Variants in ADA2 observed in about 807,000 individuals in gnomAD.
ADA2 encodes adenosine deaminase 2, also known as adenosine deaminase CECR1.
In ADA2, 29 loss-of-function variants were observed where a neutral mutation model predicts 44.2. That is an observed-to-expected ratio of 0.66 (90% CI 0.49 to 0.89). ADA2 has a LOEUF of 0.89. Ranked by LOEUF, ADA2 falls within the 40% of genes least tolerant of loss-of-function variation. ADA2 has a pLI of 0.00. For synonymous variants in ADA2, 215 were observed against 234.9 expected (o/e 0.92, Z 0.77); for missense variants, 637 against 644.8 (o/e 0.99, Z 0.13).
At chr22:17,199,675 G>C in intron 4 of ADA2, 4 of 1,601,824 alleles carry the variant, frequency 2.5e-6, no homozygotes, top group South Asian at 1.1e-5. Context: ...GCCCAGCGCG[G>C]TGAGGAAAGC....
intron 2 of ADA2, among the ~76,000 whole-genome samples, chr22:17,208,445 G>GAA (rs112738666): frequency 7.3e-6 from 1 of 136,594 alleles, no homozygotes; most frequent in Non-Finnish European, 1.5e-5. Flanking sequence ...GAAAAAAAAA[G>GAA]AAAAAAAAAA....
chr22:17,190,599 C>G (rs962623653), intron 5 of ADA2, among the ~76,000 whole-genome samples: 2 of 152,140 alleles, frequency 1.3e-5, no homozygotes, highest in African/African-American at 4.8e-5. Flanking sequence ...CGCAAGCCCA[C>G]GACAGGCTCA....
intron 4 of ADA2, among the ~76,000 whole-genome samples, chr22:17,193,597 G>C (rs905410804): frequency 4.0e-5 from 6 of 151,058 alleles, no homozygotes; most frequent in Non-Finnish European, 1.5e-5. Flanking sequence ...GAACCCAGGA[G>C]GCAGAGGTTG....
intron 4 of ADA2, among the ~76,000 whole-genome samples, chr22:17,193,583 G>A (rs946995995): frequency 2.7e-5 from 4 of 150,176 alleles, no homozygotes; most frequent in Admixed American, 6.7e-5. Flanking sequence ...CAGGATAATC[G>A]CTTGAACCCA....
intron 1 of ADA2, among the ~76,000 whole-genome samples, chr22:17,214,949 C>A (rs2062454851): frequency 6.6e-6 from 1 of 152,186 alleles, no homozygotes; most frequent in South Asian, 2.1e-4. Context: ...ACACATCACA[C>A]GGAGCCTGTC....
rs1295450648 is a variant in ADA2 at position 17,181,539 on chromosome 22, T to G, written c.1480A>C (p.Met494Leu). The change falls in exon 10 of 10, where the codon ATG (methionine) becomes CTG (leucine). Residue 494 changes from methionine to leucine, a missense_variant. Physicochemically the swap from Met to Leu is conservative, Grantham distance 15. Coordinates refer to ENST00000399837, the MANE Select transcript of ADA2 (RefSeq NM_001282225.2). The stretch of plus-strand genomic sequence containing the variant: ...TCCCATCTCTTCTTCCAGATTTCCA[T>G]GAAAGTATTTTTCTCACTCTCCAAC... ...TLLESEKNTF[M>L]EIWKKRWDKF... 1.2e-6 allele frequency: 2 copies of G among 1,613,518 alleles called. No homozygotes were observed. Among genetic ancestry groups the G allele is most frequent in the African/African-American group, 2.7e-5 (2 of 74,914 alleles).
At chr22:17,199,816 C>G in intron 4 of ADA2, 1 of 1,322,756 alleles carries the variant, frequency 7.6e-7, no homozygotes, top group Non-Finnish European at 9.9e-7. Flanking sequence ...GCATGGCTCG[C>G]GTCTGTAATC....
chr22:17,199,440 T>TTCCCCTCCCTCCCCTCCTCAATCCTCA, intron 4 of ADA2: 3 of 1,027,940 alleles, frequency 2.9e-6, no homozygotes, highest in African/African-American at 1.6e-5. Context: ...CTCTATCCTC[T>TTCCCCTCCCTCCCCTCCTCAATCCTCA]TCCCCTCCAC....
rs562613700 is a variant in ADA2 at position 17,199,575 on chromosome 22, C to T, written c.753+3988G>A. 2.5e-6 allele frequency: 4 copies of T among 1,614,096 alleles called. No individual in the cohort carries two copies. In the South Asian group the frequency reaches 3.3e-5, roughly 13 times the overall value. On this transcript the variant is annotated intron_variant, in intron 4 of 9. Coordinates refer to ENST00000399837, the MANE Select transcript of ADA2 (RefSeq NM_001282225.2). ...AGAGCCCAGTTCCATTCCAGGGAAT[C>T]CATCTCCCCTCCGGAAAAAGGAAAA... is the stretch of plus-strand genomic sequence containing the variant.
intron 2 of ADA2, among the ~76,000 whole-genome samples, chr22:17,208,070 G>A (rs1015577893): frequency 6.6e-6 from 1 of 152,022 alleles, no homozygotes; most frequent in Non-Finnish European, 1.5e-5. Flanking sequence ...AGCAACTGGG[G>A]ATGCTACTTT....
chr22:17,199,689 G>T, intron 4 of ADA2: 1 of 1,580,274 alleles, frequency 6.3e-7, no homozygotes, highest in Non-Finnish European at 8.6e-7. Context: ...GGAAAGCGAC[G>T]AACTTAGGAG....
rs2062365439 is a variant in ADA2, at chr22:17,207,290, C to T, written c.323G>A (p.Gly108Glu). The T allele has an allele frequency of 6.3e-7, 1 of 1,599,878 alleles. No homozygotes were observed. The highest frequency in any genetic ancestry group is 8.6e-7 in the Non-Finnish European group (1 of 1,168,752). Residue 108 changes from glycine to glutamate, a missense_variant and splice_region_variant, in exon 3 of 10, where the codon GGG becomes GAG. Physicochemically the swap from Gly to Glu is moderately conservative, Grantham distance 98 (BLOSUM62 -2). Coordinates refer to ENST00000399837, the MANE Select transcript of ADA2 (RefSeq NM_001282225.2). ...AATGTCATGGAGGTGCAAGGCAGCC[C>T]CTGGAGAGGGAAGAAGAATGGTGAA... ...VFNILRMMPKGAALHLHDIGI... is the reference protein window; with the variant it reads ...VFNILRMMPKEAALHLHDIGI...
chr22:17,219,833 C>T (rs1402018119), upstream of ADA2, among the ~76,000 whole-genome samples: 1 of 151,916 alleles, frequency 6.6e-6, no homozygotes, highest in South Asian at 2.1e-4. Flanking sequence ...CGCCACCATG[C>T]CCCACTGATT....
At chr22:17,199,426 C>CCTCCTCTATCCTCTTCCCCTCCCTCCT in intron 4 of ADA2, 1 of 981,406 alleles carries the variant, frequency 1.0e-6, no homozygotes, top group Non-Finnish European at 1.6e-6. Context: ...TCCTCCCTCC[C>CCTCCTCTATCCTCTTCCCCTCCCTCCT]CTCCTCTATC....
intron 1 of ADA2, among the ~76,000 whole-genome samples, chr22:17,217,674 G>A (rs1024704946): frequency 2.8e-4 from 43 of 152,218 alleles, no homozygotes; most frequent in African/African-American, 9.1e-4. Flanking sequence ...CAGGCGTGGT[G>A]TATTGAACCT....
upstream of ADA2, among the ~76,000 whole-genome samples, chr22:17,221,518 C>G (rs549948975): frequency 4.2e-4 from 64 of 151,652 alleles, 1 homozygote; most frequent in Non-Finnish European, 7.8e-4. Flanking sequence ...AGCTAAAGAT[C>G]AAGCTTTTCT....
intron 1 of ADA2, among the ~76,000 whole-genome samples, chr22:17,212,386 TC>T (rs2062428253): frequency 6.6e-6 from 1 of 151,504 alleles, no homozygotes; most frequent in South Asian, 2.1e-4. Flanking sequence ...TGCCTGAGCC[TC>T]CCAGCTCCTG....
chr22:17,214,950 G>A (rs1382781092), intron 1 of ADA2, among the ~76,000 whole-genome samples: 2 of 152,116 alleles, frequency 1.3e-5, no homozygotes, highest in East Asian at 1.9e-4. Flanking sequence ...CACATCACAC[G>A]GAGCCTGTCT....
intron 5 of ADA2, 71 bp downstream of exon 5, chr22:17,191,612 C>A: frequency 6.5e-7 from 1 of 1,548,160 alleles, no homozygotes; most frequent in South Asian, 1.2e-5. Context: ...TCACCCCTCC[C>A]CTCCCAGCCT....
Sources: gnomAD v4.1 joint callset for allele counts (sites outside exome capture counted in the v4.1 genomes callset) on GRCh38, gnomAD v4.1.1 for gene constraint, MANE v1.5 for transcripts, NCBI Gene and HGNC (gene_info 2026-07-23, HGNC 2026-07-21) for gene names.